Variants in BRAP observed in about 807,000 individuals in gnomAD.
The protein encoded by BRAP is BRCA1 associated protein, also known as BRCA1-associated protein.
A neutral mutation model predicts 73.4 loss-of-function variants in BRAP; 42 were observed. The ratio of observed to expected loss-of-function variants is 0.57; its 90% CI spans 0.45 to 0.74. BRAP has a LOEUF of 0.74. Ranked by LOEUF, BRAP falls within the 30% of genes least tolerant of loss-of-function variation. The pLI, the probability that BRAP is intolerant of heterozygous loss-of-function variation, is 0.00. For synonymous variants in BRAP, 255 were observed against 267.4 expected (o/e 0.95, Z 0.45); for missense variants, 593 against 751.4 (o/e 0.79, Z 2.46).
Position 111,681,669 on chromosome 12 carries a change from T to A in BRAP, c.411A>T (p.Ile137=), listed in dbSNP as rs1268215083. The change falls in exon 3 of 12, where the codon ATA becomes ATT. Residue 137 remains isoleucine, a synonymous_variant. Coordinates refer to ENST00000419234, the MANE Select transcript of BRAP (RefSeq NM_006768.5). ...TATATAGGTGCATAATACCATGAAC[T>A]ATTTCAACTGATGGATTTCCACTGA... is the stretch of plus-strand genomic sequence containing the variant. ...SFFSGNPSVE[I]VHGIMHLYKT... The A allele has an allele frequency of 1.9e-6, 3 of 1,612,566 alleles. No individual in the cohort carries two copies. Among genetic ancestry groups the A allele is most frequent in the Admixed American group, 1.7e-5 (1 of 59,914 alleles).
At chr12:111,678,888 A>G (rs1184949166) in intron 4 of BRAP, among the ~76,000 whole-genome samples, 1 of 151,732 alleles carries the variant, frequency 6.6e-6, no homozygotes, top group Non-Finnish European at 1.5e-5. Context: ...TTGGGAGGCC[A>G]AGGCAGGAGG....
chr12:111,655,520 C>A (rs1886496376), intron 10 of BRAP, 46 bp downstream of exon 10: 1 of 1,494,350 alleles, frequency 6.7e-7, no homozygotes, highest in African/African-American at 1.4e-5. Context: ...ATCAGAGTGC[C>A]CTGCCATGTG....
intron 10 of BRAP, among the ~76,000 whole-genome samples, chr12:111,653,760 G>C (rs775334170): frequency 7.2e-5 from 11 of 152,052 alleles, no homozygotes; most frequent in Admixed American, 2.0e-4. Context: ...AACGGACAAG[G>C]GACTGGCCAA....
intron 1 of BRAP, 34 bp downstream of exon 1, chr12:111,685,677 G>A (rs372315598): frequency 1.3e-6 from 2 of 1,588,692 alleles, no homozygotes; most frequent in South Asian, 1.1e-5. Context: ...CCCAGACCCG[G>A]CTACAGGGAA....
intron 11 of BRAP, among the ~76,000 whole-genome samples, chr12:111,647,909 AG>A (rs1224697548): frequency 6.6e-6 from 1 of 151,868 alleles, no homozygotes; most frequent in Non-Finnish European, 1.5e-5. Flanking sequence ...AAAGAAAAAA[AG>A]AAAAAAAAAT....
chr12:111,663,356 G>A (rs1274845981), intron 6 of BRAP, among the ~76,000 whole-genome samples: 2 of 152,086 alleles, frequency 1.3e-5, no homozygotes, highest in Non-Finnish European at 2.9e-5. Flanking sequence ...GGGAGGCTGA[G>A]GCACGAGGAC....
At chr12:111,682,730 G>A (rs552152402) in intron 2 of BRAP, among the ~76,000 whole-genome samples, 14 of 151,932 alleles carry the variant, frequency 9.2e-5, no homozygotes, top group Non-Finnish European at 1.9e-4. Flanking sequence ...TGGCTAACAT[G>A]GAGAAACCTT....
chr12:111,665,168 A>C lies in BRAP; in HGVS notation c.896+471T>G, dbSNP rs540361514. 3.9e-5 allele frequency among the ~76,000 whole-genome samples: 6 copies of C among 152,196 alleles called. No homozygotes were observed. The highest frequency in any genetic ancestry group is 8.8e-5 in the Non-Finnish European group (6 of 68,032). ...ACTAAGACCTGGTATGTTGGGAATC[A>C]GGAGGCTGTAGAGTAGATCTCATAC... is the stretch of plus-strand genomic sequence containing the variant. On this transcript the variant is annotated intron_variant, in intron 6 of 11. Coordinates refer to ENST00000419234, the MANE Select transcript of BRAP (RefSeq NM_006768.5). This position sits in a 1 kb window ranked among gnomAD's most constrained non-coding sequence, Gnocchi z 4.3.
chr12:111,664,538 C>T (rs1421899663), intron 6 of BRAP, among the ~76,000 whole-genome samples: 3 of 152,212 alleles, frequency 2.0e-5, no homozygotes, highest in Non-Finnish European at 4.4e-5. Context: ...TGGAGCAAGA[C>T]TCCTGTCCAG....
intron 1 of BRAP, among the ~76,000 whole-genome samples, chr12:111,685,336 C>T (rs1194137446): frequency 6.6e-6 from 1 of 152,220 alleles, no homozygotes; most frequent in African/African-American, 2.4e-5. Context: ...GGATATCGTT[C>T]CAAAAGGGAA....
intron 9 of BRAP, among the ~76,000 whole-genome samples, chr12:111,656,826 T>G (rs530614984): frequency 3.3e-5 from 5 of 152,126 alleles, no homozygotes; most frequent in Non-Finnish European, 5.9e-5. Flanking sequence ...CTCAACCTCT[T>G]GGGCTCAAGG....
intron 4 of BRAP, among the ~76,000 whole-genome samples, chr12:111,678,298 A>G (rs982647141): frequency 4.6e-5 from 7 of 151,692 alleles, no homozygotes; most frequent in South Asian, 4.2e-4. Flanking sequence ...TGGAAAAATA[A>G]TAAGATGGTG....
At chr12:111,677,969 G>A (rs1332210447) in intron 4 of BRAP, among the ~76,000 whole-genome samples, 1 of 152,164 alleles carries the variant, frequency 6.6e-6, no homozygotes, top group Non-Finnish European at 1.5e-5. Flanking sequence ...AAAAGAGAAT[G>A]AGGCCGGGTG....
intron 11 of BRAP, among the ~76,000 whole-genome samples, chr12:111,646,791 A>C (rs538369462): frequency 6.6e-6 from 1 of 152,300 alleles, no homozygotes; most frequent in South Asian, 2.1e-4. Context: ...ATAAATAAAA[A>C]CAAAAAATTT....
At chr12:111,662,657 T>C (rs1447299905) in intron 6 of BRAP, among the ~76,000 whole-genome samples, 1 of 151,966 alleles carries the variant, frequency 6.6e-6, no homozygotes, top group Non-Finnish European at 1.5e-5. Context: ...GCTCTATCTG[T>C]GTAAGAGAAA....
At chr12:111,671,456 A>G (rs1887166321) in intron 5 of BRAP, among the ~76,000 whole-genome samples, 1 of 152,016 alleles carries the variant, frequency 6.6e-6, no homozygotes, top group Admixed American at 6.6e-5. Flanking sequence ...AGGGTGAGGC[A>G]CAAGAATCGC....
chr12:111,675,285 AAGG>A (rs1427572586), intron 4 of BRAP, among the ~76,000 whole-genome samples: 2 of 151,768 alleles, frequency 1.3e-5, no homozygotes, highest in Non-Finnish European at 2.9e-5. Flanking sequence ...TAAAATAAAA[AAGG>A]AGAAGAAGCA....
chr12:111,656,900 A>T (rs1027395652), intron 9 of BRAP, among the ~76,000 whole-genome samples: 11 of 151,490 alleles, frequency 7.3e-5, no homozygotes, highest in Non-Finnish European at 1.5e-4. Flanking sequence ...CACCTGGATA[A>T]TTTTTTTTAA....
rs913155517 is a variant in BRAP at position 111,665,719 on chromosome 12, G to A, written c.816C>T (p.Asp272=). 1.2e-5 allele frequency: 19 copies of A among 1,614,094 alleles called. No homozygotes were observed. The highest frequency in any genetic ancestry group is 2.7e-5 in the African/African-American group (2 of 74,928). The change falls in exon 6 of 12, where the codon GAC becomes GAT. Residue 272 remains aspartate, a synonymous_variant. Transcript: ENST00000419234. This position sits in a 1 kb window ranked among gnomAD's most constrained non-coding sequence, Gnocchi z 4.3. ...PKCTVCLERM[D]ESVNGILTTL... Reference sequence around the variant, plus strand: ...TTGTGAGGATGCCATTCACAGACTCGTCCATGCGCTCCAGACACACCGTGC... The same window carrying A: ...TTGTGAGGATGCCATTCACAGACTCATCCATGCGCTCCAGACACACCGTGC...
Sources: gnomAD v4.1 joint callset for allele counts (sites outside exome capture counted in the v4.1 genomes callset) on GRCh38, gnomAD v4.1.1 for gene constraint, Gnocchi (gnomAD v3.1) non-coding constraint, MANE v1.5 for transcripts, NCBI Gene and HGNC (gene_info 2026-07-23, HGNC 2026-07-21) for gene names.